AFF3: variants seen among roughly 807,000 people sequenced by gnomAD.
AFF3 encodes ALF transcription elongation factor 3.
In AFF3, 32 loss-of-function variants were observed where a neutral mutation model predicts 129.7. The ratio of observed to expected loss-of-function variants is 0.25; its 90% CI spans 0.19 to 0.33. AFF3 has a LOEUF of 0.33. Ranked by LOEUF, AFF3 falls within the 10% of genes least tolerant of loss-of-function variation. The probability of loss-of-function intolerance (pLI) is 1.00; values close to 1 mark genes in which losing one functional copy is unlikely to be tolerated. For missense variants in AFF3, 1,373 were observed against 1,592.0 expected (o/e 0.86, Z 2.34); for synonymous variants, 644 against 635.4 (o/e 1.01, Z -0.20).
intron 7 of AFF3, among the ~76,000 whole-genome samples, chr2:99,868,507 T>A (rs1270788378): frequency 1.3e-5 from 2 of 152,092 alleles, no homozygotes; most frequent in Non-Finnish European, 2.9e-5. Flanking sequence ...AGGGAAGGGA[T>A]CTTTTATCTT....
intron 4 of AFF3, among the ~76,000 whole-genome samples, chr2:100,010,046 G>A (rs146732660): frequency 2.6e-5 from 4 of 152,208 alleles, no homozygotes; most frequent in East Asian, 1.9e-4. Flanking sequence ...CCAAATCAGC[G>A]ACATGGGGAT....
At chr2:99,792,834 G>A (rs1685294346) in intron 8 of AFF3, among the ~76,000 whole-genome samples, 1 of 152,088 alleles carries the variant, frequency 6.6e-6, no homozygotes, top group Non-Finnish European at 1.5e-5. Flanking sequence ...ATATATTTCT[G>A]AATTTAACTA....
chr2:99,847,207 C>T (rs897824794), intron 7 of AFF3, among the ~76,000 whole-genome samples: 6 of 151,906 alleles, frequency 3.9e-5, no homozygotes, highest in South Asian at 4.2e-4. Flanking sequence ...GACAGAGTTT[C>T]GCTCGTTGGC....
chr2:100,026,704 AATATATATATAAATAT>A (rs1171400473), intron 4 of AFF3, among the ~76,000 whole-genome samples: 1 of 131,300 alleles, frequency 7.6e-6, no homozygotes. Context: ...TATATAAATA[AATATATATATAAATAT>A]ATATATATAT....
intron 12 of AFF3, among the ~76,000 whole-genome samples, chr2:99,663,678 C>T (rs571455640): frequency 6.6e-6 from 1 of 152,264 alleles, no homozygotes; most frequent in African/African-American, 2.4e-5. Context: ...AAACCATGTT[C>T]ATTTAAAGAG....
chr2:99,990,944 G>C (rs1032319969), intron 7 of AFF3, among the ~76,000 whole-genome samples: 1 of 152,100 alleles, frequency 6.6e-6, no homozygotes, highest in Non-Finnish European at 1.5e-5. Flanking sequence ...CCACAGTTTA[G>C]ATGCTGAACC....
intron 7 of AFF3, among the ~76,000 whole-genome samples, chr2:99,939,682 C>T (rs1393692117): frequency 6.6e-6 from 1 of 152,218 alleles, no homozygotes; most frequent in Non-Finnish European, 1.5e-5. Context: ...GAACTCCATA[C>T]AGGAATGTAT....
At chr2:99,912,129 C>G (rs1695145772) in intron 7 of AFF3, among the ~76,000 whole-genome samples, 1 of 152,142 alleles carries the variant, frequency 6.6e-6, no homozygotes, top group African/African-American at 2.4e-5. Flanking sequence ...ATTCACACAA[C>G]TAAGGAATAG....
chr2:99,652,273 G>A (rs556935974), intron 12 of AFF3, among the ~76,000 whole-genome samples: 7 of 152,160 alleles, frequency 4.6e-5, no homozygotes, highest in Admixed American at 6.5e-5. Context: ...GCTCTCAACC[G>A]GGGCACCCAT....
At position 99,560,448 on chromosome 2, in the gene AFF3, CG is replaced by C; in HGVS notation, c.3120-13del. 6.2e-7 allele frequency: 1 copy of C among 1,609,282 alleles called. No individual in the cohort carries two copies. Among genetic ancestry groups the C allele is most frequent in the Non-Finnish European group, 8.5e-7 (1 of 1,177,746 alleles). On this transcript the variant is annotated splice_polypyrimidine_tract_variant and intron_variant, in intron 20 of 24. Transcript: ENST00000672756. ...GTCTCATAGCATACCTTAGAAAAAGCGGGGAGGAGGAATAGAATAAAAAACA... is the reference window on the plus strand; with the variant it reads ...GTCTCATAGCATACCTTAGAAAAAGCGGGAGGAGGAATAGAATAAAAAACA...
intron 11 of AFF3, chr2:99,707,699 C>CTT (rs538833830): frequency 3.4e-3 from 2,623 of 778,504 alleles, no homozygotes; most frequent in Non-Finnish European, 3.8e-3. Context: ...GGATGCCTGC[C>CTT]TTTTTTTTTT....
intron 11 of AFF3, among the ~76,000 whole-genome samples, chr2:99,682,012 G>A (rs1674579518): frequency 6.7e-6 from 1 of 150,264 alleles, no homozygotes; most frequent in African/African-American, 2.5e-5. Context: ...TTCAAGCAAT[G>A]CTCCCTACCT....
chr2:100,139,804 G>T (rs1338246573), intron 1 of AFF3, among the ~76,000 whole-genome samples: 1 of 152,128 alleles, frequency 6.6e-6, no homozygotes, highest in African/African-American at 2.4e-5. Flanking sequence ...TGACTTGTTT[G>T]TCAGACTTGG....
Position 99,817,848 on chromosome 2 carries a change from A to T in AFF3, c.921+19629T>A, listed in dbSNP as rs1687362991. The stretch of plus-strand genomic sequence containing the variant: ...TTACTACATTGAATATGCATGACCA[A>T]TCCTTCATTTTCAAGTAATCACAGT... On this transcript the variant is annotated intron_variant, in intron 8 of 24. Transcript: ENST00000672756. Among the ~76,000 whole-genome samples the T allele has an allele frequency of 2.6e-5, 4 of 152,298 alleles. 1 individual carries two copies. In the Middle Eastern group the frequency reaches 0.014, roughly 518 times the overall value.
chr2:99,966,091 T>A (rs926141602), intron 7 of AFF3, among the ~76,000 whole-genome samples: 2 of 152,178 alleles, frequency 1.3e-5, no homozygotes, highest in Non-Finnish European at 2.9e-5. Context: ...AATACCAGAT[T>A]TTGATATAGA....
chr2:100,065,516 C>T (rs569895919), intron 4 of AFF3, among the ~76,000 whole-genome samples: 1 of 152,122 alleles, frequency 6.6e-6, no homozygotes, highest in Non-Finnish European at 1.5e-5. Context: ...AGCTGTTACC[C>T]TTTTACAACA....
At chr2:99,755,651 G>A (rs1451511410) in intron 8 of AFF3, among the ~76,000 whole-genome samples, 13 of 152,094 alleles carry the variant, frequency 8.5e-5, no homozygotes, top group Non-Finnish European at 1.8e-4. Flanking sequence ...TTCTTCTTCT[G>A]AGTCCATCTC....
At chr2:100,053,319 A>G (rs553148862) in intron 4 of AFF3, among the ~76,000 whole-genome samples, 3 of 152,354 alleles carry the variant, frequency 2.0e-5, no homozygotes, top group African/African-American at 4.8e-5. Flanking sequence ...TGGTCTTCTA[A>G]TAACTGTATT....
intron 8 of AFF3, among the ~76,000 whole-genome samples, chr2:99,807,938 G>A (rs1686481757): frequency 6.6e-6 from 1 of 152,158 alleles, no homozygotes; most frequent in Non-Finnish European, 1.5e-5. Context: ...CAGGCTGTGA[G>A]TATATGTAAT....
Sources: allele counts gnomAD v4.1 joint callset (sites outside exome capture counted in the v4.1 genomes callset), GRCh38; gene constraint gnomAD v4.1.1; transcripts MANE v1.5; gene names NCBI Gene and HGNC (gene_info 2026-07-23, HGNC 2026-07-21).